FGGY: variants seen among roughly 807,000 people sequenced by gnomAD.
FGGY encodes the protein FGGY carbohydrate kinase domain containing, also known as FGGY carbohydrate kinase domain-containing protein.
A neutral mutation model predicts 71.3 loss-of-function variants in FGGY; 72 were observed. The ratio of observed to expected loss-of-function variants is 1.01; its 90% CI spans 0.84 to 1.23. FGGY has a LOEUF of 1.23. Ranked by LOEUF, FGGY falls within the 50% of genes most tolerant of loss-of-function variation. FGGY has a pLI of 0.00. For synonymous variants in FGGY, 251 were observed against 250.3 expected, an observed-to-expected ratio of 1.00 and a Z score of -0.02; for missense variants, 668 against 682.3, an observed-to-expected ratio of 0.98 and a Z score of 0.23.
At chr1:59,311,430 C>T (rs959794958) in intron 1 of FGGY, among the ~76,000 whole-genome samples, 3 of 151,496 alleles carry the variant, frequency 2.0e-5, no homozygotes, top group Non-Finnish European at 4.4e-5. Flanking sequence ...GTGTGTTGTT[C>T]CCTTCCCTGT....
chr1:59,705,834 CT>C (rs2097754039), intron 14 of FGGY, among the ~76,000 whole-genome samples: 1 of 152,154 alleles, frequency 6.6e-6, no homozygotes. Context: ...GGTTAAAGAC[CT>C]TTTTTCCCCT....
At chr1:59,583,566 TG>T (rs1238073845) in intron 8 of FGGY, among the ~76,000 whole-genome samples, 3 of 142,488 alleles carry the variant, frequency 2.1e-5, no homozygotes, top group Non-Finnish European at 4.5e-5. Flanking sequence ...TGTTTAGACA[TG>T]TTTTAGGGAC....
At chr1:59,441,864 TG>T (rs1336681365) in intron 5 of FGGY, among the ~76,000 whole-genome samples, 1 of 152,212 alleles carries the variant, frequency 6.6e-6, no homozygotes, top group Non-Finnish European at 1.5e-5. Flanking sequence ...ATTTCACATC[TG>T]GGGGCAGGAT....
At chr1:59,524,919 CG>C in intron 7 of FGGY, among the ~76,000 whole-genome samples, 1 of 152,370 alleles carries the variant, frequency 6.6e-6, no homozygotes, top group East Asian at 1.9e-4. Flanking sequence ...CACATCCCTC[CG>C]GCTCACTCGC....
chr1:59,609,669 G>C (rs1358626004), intron 9 of FGGY, among the ~76,000 whole-genome samples: 1 of 152,188 alleles, frequency 6.6e-6, no homozygotes, highest in African/African-American at 2.4e-5. Flanking sequence ...TAAATGTTCA[G>C]CCAATTGGAA....
intron 6 of FGGY, among the ~76,000 whole-genome samples, chr1:59,503,509 A>G (rs1162887161): frequency 1.3e-5 from 2 of 150,636 alleles, no homozygotes; most frequent in Non-Finnish European, 3.0e-5. Context: ...TTGCCACTGT[A>G]GCATCTGCTA....
At chr1:59,647,692 A>G (rs1336535890) in intron 11 of FGGY, among the ~76,000 whole-genome samples, 1 of 150,370 alleles carries the variant, frequency 6.7e-6, no homozygotes, top group Non-Finnish European at 1.5e-5. Context: ...GATCCTTCTC[A>G]GCTTTCAGAG....
At chr1:59,366,034 G>A (rs576763830) in intron 4 of FGGY, among the ~76,000 whole-genome samples, 1 of 152,276 alleles carries the variant, frequency 6.6e-6, no homozygotes, top group African/African-American at 2.4e-5. Flanking sequence ...TTCCTAATAC[G>A]TACAGTGGTG....
At chr1:59,333,839 A>T (rs835382) in intron 2 of FGGY, among the ~76,000 whole-genome samples, 61,834 of 151,992 alleles carry the variant, frequency 0.41, 13,078 homozygotes, top group African/African-American at 0.51. Flanking sequence ...AAGTCTAGAT[A>T]GATCAGTGTG....
chr1:59,754,588 T>C (rs1237611467), intron 14 of FGGY, among the ~76,000 whole-genome samples: 1 of 152,158 alleles, frequency 6.6e-6, no homozygotes. Flanking sequence ...TTGGCTAATT[T>C]TGTATTTTTA....
rs563517682 is a variant in FGGY at position 59,537,173 on chromosome 1, A to G, written c.800-16951A>G. On this transcript the variant is annotated intron_variant, in intron 7 of 15. Transcript: ENST00000303721. ...GTCTCAGGATACAAAATCAATGTGC[A>G]AAAATCACAAGCATTCTTATACACC... Among the ~76,000 whole-genome samples the G allele has an allele frequency of 9.9e-5, 15 of 151,042 alleles. No individual in the cohort carries two copies. In the South Asian group the frequency reaches 3.0e-3, roughly 30 times the overall value.
At chr1:59,732,685 T>C (rs181904486) in intron 14 of FGGY, among the ~76,000 whole-genome samples, 69 of 151,960 alleles carry the variant, frequency 4.5e-4, no homozygotes, top group Admixed American at 4.1e-3. Flanking sequence ...GGAAGGAAGG[T>C]ATTCAGGAGC....
chr1:59,548,768 T>C (rs2095564036), intron 7 of FGGY, among the ~76,000 whole-genome samples: 1 of 152,214 alleles, frequency 6.6e-6, no homozygotes, highest in African/African-American at 2.4e-5. Flanking sequence ...GTGTCTGGTA[T>C]CTATTGTATC....
At chr1:59,320,752 A>G (rs2046244372) in intron 1 of FGGY, among the ~76,000 whole-genome samples, 1 of 152,170 alleles carries the variant, frequency 6.6e-6, no homozygotes, top group African/African-American at 2.4e-5. Context: ...CTCCAAACCT[A>G]TACAGAAAGC....
intron 1 of FGGY, among the ~76,000 whole-genome samples, chr1:59,306,993 A>G (rs2043534645): frequency 6.6e-6 from 1 of 152,116 alleles, no homozygotes; most frequent in African/African-American, 2.4e-5. Flanking sequence ...TTGCAAGATG[A>G]AAATTGAGAA....
intron 1 of FGGY, among the ~76,000 whole-genome samples, chr1:59,306,119 CTT>C (rs1270998248): frequency 1.3e-5 from 2 of 152,120 alleles, no homozygotes; most frequent in African/African-American, 4.8e-5. Context: ...TCATGAGAAT[CTT>C]TGTTTTCTAT....
At chr1:59,445,420 A>G (rs914997407) in intron 5 of FGGY, among the ~76,000 whole-genome samples, 1 of 152,010 alleles carries the variant, frequency 6.6e-6, no homozygotes, top group African/African-American at 2.4e-5. Flanking sequence ...TTCTTTAACC[A>G]TCTGAATGCC....
At chr1:59,392,477 G>A (rs2060815900) in intron 5 of FGGY, among the ~76,000 whole-genome samples, 1 of 152,096 alleles carries the variant, frequency 6.6e-6, no homozygotes, top group Admixed American at 6.5e-5. Flanking sequence ...TGCAAAATGT[G>A]CTGCTTGGAG....
chr1:59,536,239 T>A (rs1319251336), intron 7 of FGGY, among the ~76,000 whole-genome samples: 1 of 152,030 alleles, frequency 6.6e-6, no homozygotes, highest in Non-Finnish European at 1.5e-5. Context: ...AAGAAATGGA[T>A]AAATTCCTCG....
Sources: allele counts gnomAD v4.1 joint callset (sites outside exome capture counted in the v4.1 genomes callset), GRCh38; gene constraint gnomAD v4.1.1; transcripts MANE v1.5; gene names NCBI Gene and HGNC (gene_info 2026-07-23, HGNC 2026-07-21).